The following PDE1C variants were observed in gnomAD, a reference collection of about 807,000 sequenced individuals.
The protein encoded by PDE1C is phosphodiesterase 1C.
A neutral mutation model predicts 93.1 loss-of-function variants in PDE1C; 62 were observed. The ratio of observed to expected loss-of-function variants is 0.67; its 90% CI spans 0.54 to 0.82. The LOEUF is 0.82. PDE1C is among the 40% of genes least tolerant of loss of function. PDE1C has a pLI of 0.00. For missense variants in PDE1C, 742 were observed against 884.6 expected (o/e 0.84, Z 2.04); for synonymous variants, 325 against 310.1 (o/e 1.05, Z -0.50).
the PDE1C span, among the ~76,000 whole-genome samples, chr7:31,641,114 G>A: frequency 6.6e-6 from 1 of 152,128 alleles, no homozygotes. Flanking sequence ...GTTGTCTACA[G>A]GGAGAAGAAT....
chr7:31,693,452 G>T, the PDE1C span, among the ~76,000 whole-genome samples: 9 of 152,192 alleles, frequency 5.9e-5, no homozygotes, highest in African/African-American at 2.2e-4. Context: ...AAGATACATA[G>T]TCCCAAGAGG....
At chr7:31,809,358 G>A (rs1035942954) in intron 15 of PDE1C, among the ~76,000 whole-genome samples, 3 of 152,038 alleles carry the variant, frequency 2.0e-5, no homozygotes, top group African/African-American at 7.2e-5. Context: ...TCTAAGAGAA[G>A]CAGTTAAGAT....
chr7:32,185,092 C>T (rs1803748131), intron 2 of PDE1C, among the ~76,000 whole-genome samples: 1 of 148,720 alleles, frequency 6.7e-6, no homozygotes, highest in Non-Finnish European at 1.5e-5. Context: ...GCCTGGGCAA[C>T]AAGAGCGAAA....
intron 1 of PDE1C, among the ~76,000 whole-genome samples, chr7:32,292,420 T>TA (rs1408041175): frequency 6.6e-6 from 1 of 152,206 alleles, no homozygotes; most frequent in African/African-American, 2.4e-5. Flanking sequence ...CTTTCAATTA[T>TA]AAAAGAAATT....
chr7:32,040,163 G>A (rs1791621345), intron 2 of PDE1C, among the ~76,000 whole-genome samples: 1 of 152,106 alleles, frequency 6.6e-6, no homozygotes, highest in East Asian at 1.9e-4. Context: ...TAGTAACATT[G>A]ATAACAATTG....
In PDE1C at chr7:32,298,818, C is replaced by A. The variant is rs990124910; in HGVS notation, c.-83G>T. On this transcript the variant is annotated 5_prime_UTR_variant, in exon 1 of 19. Transcript: ENST00000396193. Reference sequence around the variant, plus strand: ...CCACGGCGGAGTGAGCAGCCCGGGGCTCGGCGGCGAATCCTCCCCCGGCCG... The same window carrying A: ...CCACGGCGGAGTGAGCAGCCCGGGGATCGGCGGCGAATCCTCCCCCGGCCG... The A allele has an allele frequency of 3.4e-6, 5 of 1,486,858 alleles. No homozygotes were observed. In the African/African-American group the frequency reaches 4.4e-5, roughly 13 times the overall value. The allele number at this position is 1,486,858 out of a possible 1,614,324, so 92.1% of individuals were successfully genotyped here. A position where few individuals can be genotyped will look rare whatever the true frequency, so the allele number is the denominator to read the frequency against.
At chr7:32,197,033 T>C (rs1804674536) in intron 2 of PDE1C, among the ~76,000 whole-genome samples, 1 of 152,202 alleles carries the variant, frequency 6.6e-6, no homozygotes, top group Non-Finnish European at 1.5e-5. Flanking sequence ...TCTATTTTCT[T>C]CAACTTTTGG....
chr7:31,799,418 T>C (rs1457949463), intron 16 of PDE1C, among the ~76,000 whole-genome samples: 2 of 151,740 alleles, frequency 1.3e-5, no homozygotes, highest in African/African-American at 2.4e-5. Context: ...TGTAAAGTTG[T>C]ATTCTTCTGC....
At chr7:31,621,602 G>C in the PDE1C span, among the ~76,000 whole-genome samples, 1 of 148,270 alleles carries the variant, frequency 6.7e-6, no homozygotes, top group African/African-American at 2.5e-5. Context: ...AGCTCCTGAA[G>C]GAAGCACTAA....
chr7:32,123,625 T>C (rs1303488149), intron 3 of PDE1C, among the ~76,000 whole-genome samples: 1 of 152,216 alleles, frequency 6.6e-6, no homozygotes, highest in Non-Finnish European at 1.5e-5. Flanking sequence ...TCTCAATAGA[T>C]GCAGAAAGGG....
intron 1 of PDE1C, among the ~76,000 whole-genome samples, chr7:32,343,260 A>C (rs215674): frequency 0.8 from 121,881 of 152,178 alleles, 49,153 homozygotes; most frequent in Admixed American, 0.85. Context: ...TTTAAACGTC[A>C]AATTTTGACA....
At chr7:32,056,045 T>C (rs1040301277) in intron 1 of PDE1C, among the ~76,000 whole-genome samples, 2 of 152,148 alleles carry the variant, frequency 1.3e-5, no homozygotes, top group African/African-American at 4.8e-5. Flanking sequence ...TTTCTAAAAC[T>C]TAATTTAAAT....
intron 9 of PDE1C, among the ~76,000 whole-genome samples, chr7:31,847,561 C>G (rs1459396271): frequency 6.6e-6 from 1 of 151,468 alleles, no homozygotes; most frequent in Non-Finnish European, 1.5e-5. Flanking sequence ...AAAAAAAAAG[C>G]AAATATATCC....
intron 1 of PDE1C, among the ~76,000 whole-genome samples, chr7:32,358,897 CTGTGTG>C (rs71559224): frequency 1.4e-5 from 2 of 145,408 alleles, no homozygotes; most frequent in South Asian, 2.2e-4. Context: ...GTGTGTGTGT[CTGTGTG>C]TGTGTGTGTG....
intron 3 of PDE1C, among the ~76,000 whole-genome samples, chr7:32,125,668 C>A (rs544836286): frequency 1.3e-5 from 2 of 151,474 alleles, no homozygotes; most frequent in Admixed American, 1.3e-4. Context: ...AGTTGAACAA[C>A]GAGAACACAT....
chr7:32,374,267 G>GAA (rs1562696018), intron 1 of PDE1C, among the ~76,000 whole-genome samples: 6 of 138,468 alleles, frequency 4.3e-5, no homozygotes, highest in African/African-American at 1.5e-4. Context: ...AAGAAAGAAA[G>GAA]AAAGAAAGAA....
At chr7:32,380,881 TC>T (rs1368187902) in intron 1 of PDE1C, among the ~76,000 whole-genome samples, 3 of 151,914 alleles carry the variant, frequency 2.0e-5, no homozygotes, top group Non-Finnish European at 4.4e-5. Flanking sequence ...TTGTTGTCAC[TC>T]CCCAGGTGAC....
chr7:31,674,985 T>C, the PDE1C span, among the ~76,000 whole-genome samples: 4 of 152,192 alleles, frequency 2.6e-5, no homozygotes, highest in African/African-American at 4.8e-5. Flanking sequence ...TATACTCACA[T>C]GGGATTTAGA....
intron 2 of PDE1C, among the ~76,000 whole-genome samples, chr7:31,991,670 G>A (rs1240518812): frequency 1.3e-5 from 2 of 152,064 alleles, no homozygotes; most frequent in Non-Finnish European, 2.9e-5. Flanking sequence ...CTTGGCCTAT[G>A]GAAAAAATGA....
Sources: allele counts gnomAD v4.1 joint callset (sites outside exome capture counted in the v4.1 genomes callset), GRCh38; gene constraint gnomAD v4.1.1; transcripts MANE v1.5; gene names NCBI Gene and HGNC (gene_info 2026-07-23, HGNC 2026-07-21).